Variants in GRID1 observed in about 807,000 individuals in gnomAD.
The protein encoded by GRID1 is glutamate receptor ionotropic, delta-1.
Under a neutral mutation model 98.0 loss-of-function variants are expected in GRID1, and 28 were observed. That is an observed-to-expected ratio of 0.29 (90% CI 0.21 to 0.39). The LOEUF (loss-of-function observed/expected upper bound fraction) is 0.39, where lower values mean the gene tolerates loss of function less well. Among genes scored for constraint, GRID1 ranks in the 10% least tolerant of loss-of-function variants. The pLI, the probability that GRID1 is intolerant of heterozygous loss-of-function variation, is 1.00. For missense variants in GRID1, 1,111 were observed against 1,340.5 expected (o/e 0.83, Z 2.67); for synonymous variants, 553 against 538.5 (o/e 1.03, Z -0.37).
chr10:86,082,972 C>T (rs1021907291), intron 4 of GRID1, among the ~76,000 whole-genome samples: 2 of 152,182 alleles, frequency 1.3e-5, no homozygotes, highest in African/African-American at 4.8e-5. Flanking sequence ...AATTGTCTGC[C>T]TTTTCACTCC....
intron 4 of GRID1, among the ~76,000 whole-genome samples, chr10:86,026,589 C>A (rs1843119718): frequency 6.6e-6 from 1 of 152,144 alleles, no homozygotes; most frequent in South Asian, 2.1e-4. Flanking sequence ...ACAACCAAGT[C>A]AACTATGTCA....
intron 6 of GRID1, among the ~76,000 whole-genome samples, chr10:85,860,810 G>T (rs1843157390): frequency 2.6e-5 from 4 of 152,162 alleles, no homozygotes; most frequent in Non-Finnish European, 4.4e-5. Context: ...GCATCCATTT[G>T]CTGAGTGATG....
intron 3 of GRID1, among the ~76,000 whole-genome samples, chr10:86,156,172 G>A (rs188015003): frequency 1.3e-5 from 2 of 152,374 alleles, no homozygotes; most frequent in African/African-American, 4.8e-5. Flanking sequence ...GAGAGGGGCA[G>A]CAGATGCATG....
intron 13 of GRID1, among the ~76,000 whole-genome samples, chr10:85,632,534 C>A (rs909718401): frequency 1.3e-5 from 2 of 151,804 alleles, no homozygotes; most frequent in African/African-American, 2.4e-5. Flanking sequence ...CAAGGCCCAC[C>A]CTTTGAGAAC....
chr10:85,668,584 T>G (rs769282599), intron 12 of GRID1, among the ~76,000 whole-genome samples: 8 of 152,148 alleles, frequency 5.3e-5, no homozygotes, highest in Non-Finnish European at 8.8e-5. Flanking sequence ...TTTAGAAATC[T>G]TCTTATAAAA....
Position 85,892,215 on chromosome 10 carries a change from A to C in GRID1, c.781-23035T>G, listed in dbSNP as rs547681623. ...AATGAATCATGGAGATAAAAAAAAA[A>C]CAAAAAAAAAAACAGGAAAAAGATC... On this transcript the variant is annotated intron_variant, in intron 5 of 15. Transcript: ENST00000327946. Among the ~76,000 whole-genome samples the C allele has an allele frequency of 4.6e-3, 658 of 143,468 alleles. 4 individuals are homozygous for C. The highest frequency in any genetic ancestry group is 0.016 in the African/African-American group (617 of 38,416). The allele number at this position is 143,468 out of a possible 152,430, so 94.1% of individuals were successfully genotyped here.
intron 3 of GRID1, among the ~76,000 whole-genome samples, chr10:86,168,866 C>A (rs529798566): frequency 6.6e-6 from 1 of 152,314 alleles, no homozygotes; most frequent in South Asian, 2.1e-4. Flanking sequence ...CAGGTGACAG[C>A]ACCATTCAGG....
At chr10:85,770,833 C>A (rs914604941) in intron 8 of GRID1, among the ~76,000 whole-genome samples, 3 of 152,112 alleles carry the variant, frequency 2.0e-5, no homozygotes, top group Non-Finnish European at 4.4e-5. Flanking sequence ...TGTGAAAAGA[C>A]CAAATCTACG....
intron 2 of GRID1, among the ~76,000 whole-genome samples, chr10:86,250,415 G>C (rs970095705): frequency 1.3e-5 from 2 of 152,248 alleles, no homozygotes; most frequent in African/African-American, 4.8e-5. Flanking sequence ...ATTCAGGACA[G>C]TTTCAGCATT....
At position 85,953,775 on chromosome 10, in the gene GRID1, T is replaced by C. The variant is rs1426962023; in HGVS notation, c.727-37536A>G. ...CATAATTCCTCCCCAGAACAATTCATGCACACTTTCACAGAAACCCTCACA... is the reference window on the plus strand; with the variant it reads ...CATAATTCCTCCCCAGAACAATTCACGCACACTTTCACAGAAACCCTCACA... On this transcript the variant is annotated intron_variant, in intron 4 of 15. Transcript: ENST00000327946. 2.0e-5 allele frequency among the ~76,000 whole-genome samples: 3 copies of C among 152,222 alleles called. No individual in the cohort carries two copies. In the East Asian group the frequency reaches 5.8e-4, roughly 29 times the overall value.
chr10:85,933,470 T>C (rs1841886525), intron 4 of GRID1, among the ~76,000 whole-genome samples: 1 of 152,172 alleles, frequency 6.6e-6, no homozygotes, highest in Admixed American at 6.5e-5. Context: ...TATTCTGTGA[T>C]AGCAGCACAA....
At chr10:86,208,111 G>A (rs190509740) in intron 2 of GRID1, among the ~76,000 whole-genome samples, 2 of 152,256 alleles carry the variant, frequency 1.3e-5, no homozygotes, top group Admixed American at 1.3e-4. Context: ...AGGGAGCAAG[G>A]CAGTGGGAGG....
intron 13 of GRID1, among the ~76,000 whole-genome samples, chr10:85,631,429 C>T (rs2132535175): frequency 6.6e-6 from 1 of 152,342 alleles, no homozygotes; most frequent in South Asian, 2.1e-4. Flanking sequence ...GACATTATGG[C>T]TGCATTCCCT....
intron 13 of GRID1, among the ~76,000 whole-genome samples, chr10:85,626,959 A>C (rs191169057): frequency 5.8e-4 from 88 of 152,330 alleles, no homozygotes; most frequent in African/African-American, 2.0e-3. Context: ...CTAAGGAATT[A>C]TTCAATTTTC....
intron 3 of GRID1, among the ~76,000 whole-genome samples, chr10:86,142,777 T>G (rs1181184959): frequency 2.0e-5 from 3 of 152,236 alleles, no homozygotes; most frequent in African/African-American, 7.2e-5. Context: ...ACCTTATGCC[T>G]CATGCCAGCA....
intron 4 of GRID1, among the ~76,000 whole-genome samples, chr10:86,055,299 A>G (rs1417530368): frequency 6.6e-6 from 1 of 152,214 alleles, no homozygotes; most frequent in African/African-American, 2.4e-5. Flanking sequence ...TCAAGTTGAG[A>G]AAGAAACTTT....
chr10:85,806,223 A>G (rs1456824192), intron 8 of GRID1, among the ~76,000 whole-genome samples: 7 of 152,138 alleles, frequency 4.6e-5, no homozygotes. Flanking sequence ...ATGATGCTCA[A>G]TATTATTAGT....
rs539440075 is a variant in GRID1 at position 86,086,910 on chromosome 10, T to A, written c.726+51909A>T. 2.6e-5 allele frequency among the ~76,000 whole-genome samples: 4 copies of A among 152,320 alleles called. No individual in the cohort carries two copies. The East Asian group carries it at 7.7e-4, about 29-fold the overall frequency. ...CCAGGACATTCCACAGGGCCTGCAG[T>A]TGAGCATCAGTAAAAGTTGGCTGAA... On this transcript the variant is annotated intron_variant, in intron 4 of 15. Coordinates refer to ENST00000327946, the MANE Select transcript of GRID1 (RefSeq NM_017551.3).
At chr10:85,823,780 G>A (rs571247072) in intron 8 of GRID1, among the ~76,000 whole-genome samples, 42 of 152,192 alleles carry the variant, frequency 2.8e-4, no homozygotes, top group African/African-American at 9.4e-4. Flanking sequence ...ACAGTCCCAG[G>A]AATGATGGAA....
Sources: allele counts gnomAD v4.1 joint callset (sites outside exome capture counted in the v4.1 genomes callset), GRCh38; gene constraint gnomAD v4.1.1; transcripts MANE v1.5; gene names NCBI Gene and HGNC (gene_info 2026-07-23, HGNC 2026-07-21).